FARS2: variants seen among roughly 807,000 people sequenced by gnomAD.
FARS2 encodes phenylalanine--tRNA ligase, mitochondrial.
A neutral mutation model predicts 46.4 loss-of-function variants in FARS2; 40 were observed. That is an observed-to-expected ratio of 0.86 (90% CI 0.67 to 1.12). The LOEUF (loss-of-function observed/expected upper bound fraction) is 1.12, where lower values mean the gene tolerates loss of function less well. Among genes scored for constraint, FARS2 ranks in the 50% most tolerant of loss-of-function variants. The pLI, the probability that FARS2 is intolerant of heterozygous loss-of-function variation, is 0.00. For missense variants in FARS2, 513 were observed against 567.9 expected (o/e 0.90, Z 0.98); for synonymous variants, 234 against 214.9 (o/e 1.09, Z -0.78).
intron 6 of FARS2, among the ~76,000 whole-genome samples, chr6:5,725,103 A>G (rs1250871653): frequency 6.6e-6 from 1 of 152,272 alleles, no homozygotes; most frequent in Admixed American, 6.5e-5. Flanking sequence ...GGCCTGACTT[A>G]AAAGCCGTGG....
intron 6 of FARS2, among the ~76,000 whole-genome samples, chr6:5,647,348 A>G (rs1777131289): frequency 1.3e-5 from 2 of 152,156 alleles, no homozygotes; most frequent in South Asian, 2.1e-4. Context: ...TGGTCCAAAG[A>G]TTAGGGCTGA....
intron 2 of FARS2, among the ~76,000 whole-genome samples, chr6:5,374,074 A>C (rs113073434): frequency 9.8e-4 from 149 of 152,246 alleles, no homozygotes; most frequent in Non-Finnish European, 1.8e-3. Context: ...GAAATACCTA[A>C]GGGCAAAACG....
intron 4 of FARS2, among the ~76,000 whole-genome samples, chr6:5,491,077 A>T (rs364531): frequency 0.059 from 8,973 of 152,286 alleles, 586 homozygotes; most frequent in African/African-American, 0.16. Flanking sequence ...CATCTTCTCC[A>T]TACCCTCAGC....
intron 6 of FARS2, among the ~76,000 whole-genome samples, chr6:5,684,401 G>A (rs1757013860): frequency 6.6e-6 from 1 of 152,194 alleles, no homozygotes. Context: ...AAGGGATGAT[G>A]TCCTTATGAA....
intron 1 of FARS2, among the ~76,000 whole-genome samples, chr6:5,285,821 G>A (rs960416557): frequency 1.3e-5 from 2 of 152,212 alleles, no homozygotes; most frequent in African/African-American, 2.4e-5. Context: ...GAGAGGCCTC[G>A]CGGCATTCCC....
At chr6:5,581,668 T>C (rs1314143118) in intron 5 of FARS2, among the ~76,000 whole-genome samples, 1 of 152,228 alleles carries the variant, frequency 6.6e-6, no homozygotes, top group African/African-American at 2.4e-5. Flanking sequence ...CTCTGCACGT[T>C]GGGACATGGA....
chr6:5,493,288 G>A (rs1194214862), intron 4 of FARS2, among the ~76,000 whole-genome samples: 1 of 151,198 alleles, frequency 6.6e-6, no homozygotes, highest in African/African-American at 2.4e-5. Flanking sequence ...CTTAACTGTT[G>A]GACAGTTGCT....
At chr6:5,313,194 T>C (rs992471226) in intron 1 of FARS2, among the ~76,000 whole-genome samples, 1 of 152,216 alleles carries the variant, frequency 6.6e-6, no homozygotes, top group Admixed American at 6.5e-5. Context: ...CATCTGAATT[T>C]GTTGTTACAA....
intron 6 of FARS2, among the ~76,000 whole-genome samples, chr6:5,737,401 TG>T (rs1256831626): frequency 6.6e-6 from 1 of 152,188 alleles, no homozygotes; most frequent in East Asian, 1.9e-4. Context: ...CGTGGTGGCA[TG>T]TGCCTGTAGT....
chr6:5,672,319 G>A (rs1248995480), intron 6 of FARS2, among the ~76,000 whole-genome samples: 3 of 152,114 alleles, frequency 2.0e-5, no homozygotes, highest in Non-Finnish European at 4.4e-5. Context: ...CCCTGGCCAC[G>A]TCCTGGCCGT....
At chr6:5,759,242 C>T (rs1485012020) in intron 6 of FARS2, among the ~76,000 whole-genome samples, 1 of 152,186 alleles carries the variant, frequency 6.6e-6, no homozygotes, top group Non-Finnish European at 1.5e-5. Flanking sequence ...TCGGTTCCTA[C>T]ATCGGTCAGG....
intron 4 of FARS2, among the ~76,000 whole-genome samples, chr6:5,531,918 A>G (rs113847953): frequency 0.01 from 1,535 of 152,332 alleles, 28 homozygotes; most frequent in African/African-American, 0.035. Flanking sequence ...TTATTCCTGC[A>G]TGTCCATCAT....
chr6:5,432,914 G>C (rs1006322059), intron 4 of FARS2, among the ~76,000 whole-genome samples: 1 of 152,132 alleles, frequency 6.6e-6, no homozygotes, highest in East Asian at 1.9e-4. Context: ...TGGAGGCCTG[G>C]CCTTCCCTTC....
chr6:5,397,005 T>G (rs1454030100), intron 2 of FARS2, among the ~76,000 whole-genome samples: 2 of 152,216 alleles, frequency 1.3e-5, no homozygotes, highest in Admixed American at 6.5e-5. Flanking sequence ...CCCAGTTGCT[T>G]CAGCTATTTG....
chr6:5,613,061 T>C, intron 5 of FARS2, 108 bp from the exon 6 acceptor site: 1 of 843,632 alleles, frequency 1.2e-6, no homozygotes, highest in Non-Finnish European at 1.9e-6. Context: ...GCTGAAATGA[T>C]GTTTTACTAG....
intron 6 of FARS2, among the ~76,000 whole-genome samples, chr6:5,703,387 A>G (rs1299623806): frequency 6.6e-6 from 1 of 151,982 alleles, no homozygotes; most frequent in African/African-American, 2.4e-5. Flanking sequence ...GTGGGTCCCT[A>G]GTGGTCTCTG....
intron 1 of FARS2, among the ~76,000 whole-genome samples, chr6:5,273,674 T>TG (rs1250744537): frequency 1.3e-5 from 2 of 152,220 alleles, no homozygotes; most frequent in African/African-American, 4.8e-5. Context: ...CGTTTTTGCT[T>TG]GATGTAATCT....
At chr6:5,434,122 A>C (rs1763385622) in intron 4 of FARS2, among the ~76,000 whole-genome samples, 1 of 152,062 alleles carries the variant, frequency 6.6e-6, no homozygotes, top group African/African-American at 2.4e-5. Context: ...TAATTAATTA[A>C]TTTTTGAGAC....
intron 6 of FARS2, among the ~76,000 whole-genome samples, chr6:5,632,726 G>T (rs189632217): frequency 6.7e-6 from 1 of 148,854 alleles, no homozygotes; most frequent in African/African-American, 2.5e-5. Flanking sequence ...GCATTTCCCT[G>T]ATGACTAAAT....
Sources: allele counts gnomAD v4.1 joint callset (sites outside exome capture counted in the v4.1 genomes callset), GRCh38; gene constraint gnomAD v4.1.1; transcripts MANE v1.5; gene names NCBI Gene and HGNC (gene_info 2026-07-23, HGNC 2026-07-21).